Variants in ZNF536 observed in about 807,000 individuals in gnomAD.
The protein encoded by ZNF536 is zinc finger protein 536.
ZNF536 carries 13 observed loss-of-function variants against 84.5 expected under a neutral mutation model. The ratio of observed to expected loss-of-function variants is 0.15; its 90% CI spans 0.10 to 0.24. The LOEUF is 0.24. Among genes scored for constraint, ZNF536 ranks in the 10% least tolerant of loss-of-function variants. ZNF536 has a pLI of 1.00. For missense variants in ZNF536, 1,536 were observed against 1,747.5 expected, an observed-to-expected ratio of 0.88 and a Z score of 2.16; for synonymous variants, 811 against 742.5, an observed-to-expected ratio of 1.09 and a Z score of -1.50.
At chr19:30,509,106 A>G (rs888450633) in intron 2 of ZNF536, among the ~76,000 whole-genome samples, 1 of 150,958 alleles carries the variant, frequency 6.6e-6, no homozygotes, top group African/African-American at 2.4e-5. Flanking sequence ...AAATGCTGGG[A>G]TTACAGGCAT....
intron 1 of ZNF536, among the ~76,000 whole-genome samples, chr19:30,580,330 C>T (rs1040654690): frequency 2.0e-5 from 3 of 152,206 alleles, no homozygotes; most frequent in Admixed American, 1.3e-4. Flanking sequence ...GGTCTTGCAG[C>T]GAGTTTCTCA....
chr19:30,326,803 T>TTG (rs1568333957), intron 2 of ZNF536, among the ~76,000 whole-genome samples: 100 of 129,638 alleles, frequency 7.7e-4, no homozygotes, highest in African/African-American at 2.8e-3. Flanking sequence ...TTTTTTTTTT[T>TTG]TTTTTTTTTT....
intron 1 of ZNF536, among the ~76,000 whole-genome samples, chr19:30,657,370 C>T (rs1030578177): frequency 6.6e-6 from 1 of 152,224 alleles, no homozygotes; most frequent in African/African-American, 2.4e-5. Flanking sequence ...GGCAACGAGG[C>T]TTCAGGGAGA....
chr19:30,374,887 G>A (rs2048751546), intron 1 of ZNF536, among the ~76,000 whole-genome samples: 1 of 151,610 alleles, frequency 6.6e-6, no homozygotes, highest in African/African-American at 2.4e-5. Flanking sequence ...GGCGCCTGCC[G>A]CCCGCGAGCC....
chr19:30,561,410 C>G (rs1023226224), downstream of ZNF536, among the ~76,000 whole-genome samples: 2 of 152,142 alleles, frequency 1.3e-5, no homozygotes, highest in African/African-American at 2.4e-5. Flanking sequence ...TCTTTCTTGT[C>G]AAGTAGAGGG....
At chr19:30,442,884 A>C (rs2052120326) in intron 1 of ZNF536, among the ~76,000 whole-genome samples, 1 of 152,246 alleles carries the variant, frequency 6.6e-6, no homozygotes, top group Non-Finnish European at 1.5e-5. Flanking sequence ...TCTAAGCAGC[A>C]TACTAATCAG....
At chr19:30,447,207 C>G (rs972254620) in intron 2 of ZNF536, among the ~76,000 whole-genome samples, 23 of 152,194 alleles carry the variant, frequency 1.5e-4, no homozygotes, top group Non-Finnish European at 3.1e-4. Flanking sequence ...TGATCCCCCC[C>G]ACCCTCACTC....
intron 1 of ZNF536, among the ~76,000 whole-genome samples, chr19:30,407,092 G>A (rs1344903654): frequency 6.6e-6 from 1 of 152,134 alleles, no homozygotes; most frequent in African/African-American, 2.4e-5. Context: ...CACAGCAGGT[G>A]GCTGGATAAA....
downstream of ZNF536, among the ~76,000 whole-genome samples, chr19:30,558,895 A>T (rs191936234): frequency 8.5e-5 from 13 of 152,320 alleles, no homozygotes; most frequent in East Asian, 2.5e-3. Flanking sequence ...CGTTCTTCAC[A>T]ACCCCAAATA....
intron 2 of ZNF536, among the ~76,000 whole-genome samples, chr19:30,338,453 G>A (rs2047456347): frequency 6.6e-6 from 1 of 150,994 alleles, no homozygotes. Context: ...TGACAATGAT[G>A]ATATGGTGAT....
chr19:30,390,486 G>A (rs2049538554), intron 1 of ZNF536, among the ~76,000 whole-genome samples: 1 of 152,184 alleles, frequency 6.6e-6, no homozygotes. Context: ...AAAGGCTGGA[G>A]GGGCTGAAGT....
intron 1 of ZNF536, among the ~76,000 whole-genome samples, chr19:30,268,084 C>G (rs565365070): frequency 5.7e-4 from 59 of 103,990 alleles, no homozygotes; most frequent in East Asian, 2.3e-3. Flanking sequence ...TTCCCTCCCC[C>G]CCAGATATAT....
chr19:30,582,550 C>T (rs1162066221), intron 1 of ZNF536, among the ~76,000 whole-genome samples: 1 of 151,844 alleles, frequency 6.6e-6, no homozygotes, highest in Admixed American at 6.6e-5. Context: ...GCCATTATGC[C>T]AGGCTAATTT....
intron 1 of ZNF536, among the ~76,000 whole-genome samples, chr19:30,392,254 A>G (rs2049624056): frequency 6.6e-6 from 1 of 152,192 alleles, no homozygotes; most frequent in African/African-American, 2.4e-5. Context: ...GGAAACCAGT[A>G]GGAAACCACA....
At chr19:30,542,636 C>T (rs1010939758) in intron 3 of ZNF536, among the ~76,000 whole-genome samples, 1 of 152,184 alleles carries the variant, frequency 6.6e-6, no homozygotes, top group Non-Finnish European at 1.5e-5. Context: ...TACCAGTGTT[C>T]GTAGCTGCTT....
intron 1 of ZNF536, among the ~76,000 whole-genome samples, chr19:30,395,418 G>C (rs1426004110): frequency 3.3e-5 from 5 of 152,212 alleles, no homozygotes; most frequent in Non-Finnish European, 7.3e-5. Flanking sequence ...AGCCCTGCTG[G>C]TGGATGTAGA....
intron 2 of ZNF536, among the ~76,000 whole-genome samples, chr19:30,489,830 A>G (rs1042091970): frequency 6.6e-6 from 1 of 152,230 alleles, no homozygotes; most frequent in African/African-American, 2.4e-5. Flanking sequence ...ATTTCTGCAA[A>G]TACAAACATG....
intron 2 of ZNF536, among the ~76,000 whole-genome samples, chr19:30,290,893 T>A (rs1208272249): frequency 6.6e-6 from 1 of 152,174 alleles, no homozygotes; most frequent in East Asian, 1.9e-4. Flanking sequence ...CCTGTGTCCA[T>A]GTGTTCTCAT....
intron 1 of ZNF536, among the ~76,000 whole-genome samples, chr19:30,241,795 C>T (rs1158224605): frequency 1.3e-5 from 2 of 152,172 alleles, no homozygotes; most frequent in Non-Finnish European, 1.5e-5. Context: ...GAAGTATATG[C>T]GCCATTTCAA....
Sources: allele counts gnomAD v4.1 joint callset (sites outside exome capture counted in the v4.1 genomes callset), GRCh38; gene constraint gnomAD v4.1.1; transcripts MANE v1.5; gene names NCBI Gene and HGNC (gene_info 2026-07-23, HGNC 2026-07-21).